SORCS2: variants seen among roughly 807,000 people sequenced by gnomAD.
SORCS2 encodes the protein VPS10 domain-containing receptor SorCS2.
SORCS2 carries 100 observed loss-of-function variants against 141.6 expected under a neutral mutation model. That is an observed-to-expected ratio of 0.71 (90% CI 0.60 to 0.83). The LOEUF is 0.83. Among genes scored for constraint, SORCS2 ranks in the 40% least tolerant of loss-of-function variants. The pLI, the probability that SORCS2 is intolerant of heterozygous loss-of-function variation, is 0.00. For missense variants in SORCS2, 1,646 were observed against 1,560.2 expected, an observed-to-expected ratio of 1.05 and a Z score of -0.93; for synonymous variants, 789 against 676.9, an observed-to-expected ratio of 1.17 and a Z score of -2.57.
chr4:7,525,798 TCATACCTGTTCCCTG>T (rs1269852181), intron 2 of SORCS2, among the ~76,000 whole-genome samples: 46 of 117,454 alleles, frequency 3.9e-4, no homozygotes, highest in Admixed American at 5.9e-4. Flanking sequence ...TGTCCCCTCC[TCATACCTGTTCCCTG>T]CAGTCACCTG....
intron 2 of SORCS2, among the ~76,000 whole-genome samples, chr4:7,422,834 C>T (rs1266650011): frequency 2.0e-5 from 3 of 152,178 alleles, no homozygotes; most frequent in South Asian, 2.1e-4. Context: ...ACAGAGGCCT[C>T]GTCACTGCCT....
At chr4:7,231,423 A>G (rs754573304) in intron 1 of SORCS2, among the ~76,000 whole-genome samples, 5 of 152,216 alleles carry the variant, frequency 3.3e-5, no homozygotes, top group South Asian at 2.1e-4. Context: ...TGGGCACCCC[A>G]TGGCCCAGTC....
intron 2 of SORCS2, among the ~76,000 whole-genome samples, chr4:7,488,136 G>A (rs912242054): frequency 2.0e-5 from 3 of 152,208 alleles, no homozygotes; most frequent in African/African-American, 7.2e-5. Context: ...CAGGAGTGTG[G>A]TCATCAACTA....
At chr4:7,521,259 C>T (rs937881669) in intron 2 of SORCS2, among the ~76,000 whole-genome samples, 1 of 152,038 alleles carries the variant, frequency 6.6e-6, no homozygotes, top group Non-Finnish European at 1.5e-5. Context: ...CTCTGTGGGT[C>T]GTGGGTTCAG....
At position 7,599,909 on chromosome 4, in the gene SORCS2, C is replaced by T. The variant is rs189270226; in HGVS notation, c.649-38419C>T. Among the ~76,000 whole-genome samples, 153 of 151,782 alleles carry T rather than the reference C, an allele frequency of 1.0e-3. 1 individual carries two copies. The highest frequency in any genetic ancestry group is 2.8e-3 in the Admixed American group (43 of 15,270). ...CATGATATCAGCTCACTACAGCCTC[C>T]GCCTCCCAAGTTCAAGCAATTCTCA... On this transcript the variant is annotated intron_variant, in intron 3 of 26. Transcript: ENST00000507866.
chr4:7,486,416 C>A (rs954486558), intron 2 of SORCS2, among the ~76,000 whole-genome samples: 1 of 87,678 alleles, frequency 1.1e-5, no homozygotes, highest in Non-Finnish European at 2.5e-5. Flanking sequence ...CCTCCACGAC[C>A]CCCTGGCCCT....
At chr4:7,613,301 C>G (rs908552770) in intron 3 of SORCS2, among the ~76,000 whole-genome samples, 1 of 152,228 alleles carries the variant, frequency 6.6e-6, no homozygotes, top group South Asian at 2.1e-4. Flanking sequence ...AATAAACTAA[C>G]GAATGAGACA....
intron 3 of SORCS2, among the ~76,000 whole-genome samples, chr4:7,550,826 G>A (rs1331145931): frequency 6.6e-6 from 1 of 152,210 alleles, no homozygotes; most frequent in Admixed American, 6.5e-5. Context: ...ATTACCACTT[G>A]AGGTAAAACA....
intron 1 of SORCS2, among the ~76,000 whole-genome samples, chr4:7,356,652 C>T (rs968732483): frequency 2.6e-5 from 4 of 152,342 alleles, no homozygotes; most frequent in African/African-American, 9.6e-5. Flanking sequence ...AGGATTTCAA[C>T]ATGTGGATTT....
chr4:7,407,919 G>T (rs892622104), intron 2 of SORCS2, among the ~76,000 whole-genome samples: 2 of 147,982 alleles, frequency 1.4e-5, no homozygotes, highest in East Asian at 3.9e-4. Flanking sequence ...TAATAATTTA[G>T]ATCACAAAGA....
intron 2 of SORCS2, among the ~76,000 whole-genome samples, chr4:7,405,584 A>G (rs570172900): frequency 3.3e-5 from 5 of 152,098 alleles, no homozygotes; most frequent in African/African-American, 1.2e-4. Flanking sequence ...ATTTATTTGT[A>G]GGTATTTTTC....
chr4:7,378,493 C>T (rs966718175), intron 1 of SORCS2, among the ~76,000 whole-genome samples: 8 of 152,132 alleles, frequency 5.3e-5, no homozygotes, highest in African/African-American at 1.9e-4. Flanking sequence ...AAGTGCCAAG[C>T]GAAGGGGGAA....
At chr4:7,288,666 A>T (rs1465217631) in intron 1 of SORCS2, among the ~76,000 whole-genome samples, 1 of 151,790 alleles carries the variant, frequency 6.6e-6, no homozygotes, top group Non-Finnish European at 1.5e-5. Context: ...TTCCAAGGCC[A>T]CAGTCCTATT....
At chr4:7,656,784 G>A (rs1560460945) in intron 5 of SORCS2, among the ~76,000 whole-genome samples, 1 of 152,228 alleles carries the variant, frequency 6.6e-6, no homozygotes, top group South Asian at 2.1e-4. Context: ...CAGGGCCTCT[G>A]TCCATAGAAG....
chr4:7,531,442 G>A (rs577664960), intron 2 of SORCS2, 88 bp from the exon 3 acceptor site: 3 of 1,285,248 alleles, frequency 2.3e-6, no homozygotes, highest in Non-Finnish European at 3.3e-6. Flanking sequence ...GCCCGCACGG[G>A]CACAGGGCAG....
chr4:7,519,329 A>G (rs1577687775), intron 2 of SORCS2, among the ~76,000 whole-genome samples: 1 of 152,224 alleles, frequency 6.6e-6, no homozygotes, highest in East Asian at 1.9e-4. Context: ...CTCCAGACAT[A>G]AAACCAGCGA....
chr4:7,602,853 C>G (rs1037035216), intron 3 of SORCS2, among the ~76,000 whole-genome samples: 2 of 152,346 alleles, frequency 1.3e-5, no homozygotes, highest in South Asian at 2.1e-4. Flanking sequence ...CGCCACTGCA[C>G]TCCAGCCTGG....
chr4:7,487,725 C>T (rs993832245), intron 2 of SORCS2, among the ~76,000 whole-genome samples: 6 of 152,136 alleles, frequency 3.9e-5, no homozygotes, highest in African/African-American at 1.4e-4. Context: ...TTGGCTCCCC[C>T]GCCTCCAGCC....
At chr4:7,424,040 T>A (rs1410053275) in intron 2 of SORCS2, among the ~76,000 whole-genome samples, 1 of 152,154 alleles carries the variant, frequency 6.6e-6, no homozygotes, top group Non-Finnish European at 1.5e-5. Flanking sequence ...TGTGCACAGC[T>A]GGGAGGATGC....
Sources: gnomAD v4.1 joint callset for allele counts (sites outside exome capture counted in the v4.1 genomes callset) on GRCh38, gnomAD v4.1.1 for gene constraint, MANE v1.5 for transcripts, NCBI Gene and HGNC (gene_info 2026-07-23, HGNC 2026-07-21) for gene names.